Variants in VEGFC observed in about 807,000 individuals in gnomAD.
The protein encoded by VEGFC is vascular endothelial growth factor C.
A neutral mutation model predicts 46.1 loss-of-function variants in VEGFC; 12 were observed. The observed-to-expected ratio is 0.26, with a 90% CI of 0.17 to 0.42. VEGFC has a LOEUF of 0.42. VEGFC is among the 10% of genes least tolerant of loss of function. The probability of loss-of-function intolerance (pLI) is 1.00; values close to 1 mark genes in which losing one functional copy is unlikely to be tolerated. For synonymous variants in VEGFC, 232 were observed against 195.5 expected, an observed-to-expected ratio of 1.19 and a Z score of -1.56; for missense variants, 488 against 529.4, an observed-to-expected ratio of 0.92 and a Z score of 0.77.
intron 1 of VEGFC, among the ~76,000 whole-genome samples, chr4:176,731,470 C>T (rs1734963529): frequency 6.6e-6 from 1 of 151,790 alleles, no homozygotes; most frequent in South Asian, 2.1e-4. Flanking sequence ...GTCAGTCACA[C>T]CTCAATAATG....
intron 3 of VEGFC, among the ~76,000 whole-genome samples, chr4:176,726,371 T>C (rs754719561): frequency 7.2e-5 from 11 of 151,964 alleles, no homozygotes; most frequent in Non-Finnish European, 1.3e-4. Context: ...TAACTAACTA[T>C]GATACTAAAA....
chr4:176,788,670 T>C (rs1736041561), intron 1 of VEGFC, among the ~76,000 whole-genome samples: 1 of 152,186 alleles, frequency 6.6e-6, no homozygotes, highest in African/African-American at 2.4e-5. Context: ...TTTTACTGCA[T>C]ATTATTAGCC....
chr4:176,767,677 G>A (rs901035927), intron 1 of VEGFC, among the ~76,000 whole-genome samples: 2 of 152,122 alleles, frequency 1.3e-5, no homozygotes. Context: ...ACACTGCCAG[G>A]GCAATGACTA....
At chr4:176,740,001 GAATATATATAACTATATATTCGATA>G (rs1267463315) in intron 1 of VEGFC, among the ~76,000 whole-genome samples, 73 of 102,542 alleles carry the variant, frequency 7.1e-4, no homozygotes, top group African/African-American at 2.4e-3. Flanking sequence ...TCGATATATC[GAATATATATAACTATATATTCGATA>G]TATCGAATAT....
chr4:176,773,644 G>A (rs946872488), intron 1 of VEGFC, among the ~76,000 whole-genome samples: 1 of 152,096 alleles, frequency 6.6e-6, no homozygotes, highest in East Asian at 1.9e-4. Flanking sequence ...AGATAGCACT[G>A]AAAATTGATG....
intron 1 of VEGFC, among the ~76,000 whole-genome samples, chr4:176,751,518 ATGTT>A (rs934026837): frequency 2.0e-5 from 3 of 152,044 alleles, no homozygotes; most frequent in African/African-American, 7.2e-5. Context: ...CAGCAGCAAA[ATGTT>A]TGAAGAAAAT....
At chr4:176,743,309 C>CA (rs1014206471) in intron 1 of VEGFC, among the ~76,000 whole-genome samples, 3 of 151,562 alleles carry the variant, frequency 2.0e-5, no homozygotes, top group East Asian at 1.9e-4. Context: ...ATATTTGGGA[C>CA]AAAAAAATCT....
At chr4:176,709,676 G>GACAAAAC (rs2110997216) in intron 4 of VEGFC, among the ~76,000 whole-genome samples, 1 of 152,232 alleles carries the variant, frequency 6.6e-6, no homozygotes, top group East Asian at 1.9e-4. Flanking sequence ...AATAATGGAA[G>GACAAAAC]ACAAAACAAG....
At chr4:176,764,387 A>C (rs1271212997) in intron 1 of VEGFC, among the ~76,000 whole-genome samples, 1 of 152,226 alleles carries the variant, frequency 6.6e-6, no homozygotes, top group Non-Finnish European at 1.5e-5. Flanking sequence ...TGAGGGGCTA[A>C]GATCACGGAC....
chr4:176,777,800 TCC>T (rs1275763251), intron 1 of VEGFC, among the ~76,000 whole-genome samples: 4 of 151,484 alleles, frequency 2.6e-5, no homozygotes, highest in African/African-American at 7.3e-5. Flanking sequence ...GCACCCGTAG[TCC>T]CTGCTACTCG....
chr4:176,716,584 G>GAAAAAAAAAAAA (rs57274087), intron 3 of VEGFC, among the ~76,000 whole-genome samples: 3 of 43,758 alleles, frequency 6.9e-5, no homozygotes, highest in Non-Finnish European at 1.2e-4. Flanking sequence ...CTCCCTCTCC[G>GAAAAAAAAAAAA]AAAAAAAAAA....
chr4:176,787,643 C>T (rs1040980567), intron 1 of VEGFC, among the ~76,000 whole-genome samples: 1 of 151,878 alleles, frequency 6.6e-6, no homozygotes, highest in Admixed American at 6.6e-5. Context: ...ATGATGGATG[C>T]CCAATAAAGC....
At chr4:176,703,400 A>C (rs1341422816) in intron 4 of VEGFC, among the ~76,000 whole-genome samples, 1 of 152,074 alleles carries the variant, frequency 6.6e-6, no homozygotes, top group Non-Finnish European at 1.5e-5. Context: ...TCATGTTCTC[A>C]CTCATTTATG....
Position 176,711,507 on chromosome 4 carries a change from T to A in VEGFC, c.696A>T (p.Thr232=). Residue 232 remains threonine (T), a synonymous_variant, in exon 4 of 7, where the codon ACA becomes ACT. Transcript: ENST00000618562. ...HSIIRRSLPA[T]LPQCQAANKT... is the part of the protein sequence containing the mutation. ...ATTTAATTCATACTCACTGTGGTAG[T>A]GTTGCTGGCAGGGAACGTCTAATAA... The A allele has an allele frequency of 5.6e-6, 9 of 1,612,316 alleles. No homozygotes were observed. The highest frequency in any genetic ancestry group is 7.6e-6 in the Non-Finnish European group (9 of 1,179,166).
Position 176,792,349 on chromosome 4 carries a change from GGGGGC to G in VEGFC, c.-43_-39del, listed in dbSNP as rs1272032190. ...GGGGGTGGGGGACCGGTCCGCTGGCGGGGGCAGGGGTGGGGGCGCGGGCGCCCCTG... is the reference window on the plus strand; with the variant it reads ...GGGGGTGGGGGACCGGTCCGCTGGCGAGGGGTGGGGGCGCGGGCGCCCCTG... On this transcript the variant is annotated 5_prime_UTR_variant, in exon 1 of 7. Coordinates refer to ENST00000618562, the MANE Select transcript of VEGFC (RefSeq NM_005429.5). The surrounding 1 kb of genome is among the most constrained non-coding windows in gnomAD (Gnocchi z 6.3). The G allele has an allele frequency of 7.0e-7, 1 of 1,424,448 alleles. No homozygotes were observed. The highest frequency in any genetic ancestry group is 1.5e-5 in the African/African-American group (1 of 65,956). The allele number at this position is 1,424,448 out of a possible 1,614,324, so 88.2% of individuals were successfully genotyped here. A position where few individuals can be genotyped will look rare whatever the true frequency, so the allele number is the denominator to read the frequency against.
chr4:176,784,867 G>A (rs1165554699), intron 1 of VEGFC, among the ~76,000 whole-genome samples: 1 of 149,948 alleles, frequency 6.7e-6, no homozygotes, highest in Admixed American at 6.7e-5. Flanking sequence ...GTGCTACAAA[G>A]AAGCAGAGAG....
At chr4:176,706,029 T>C (rs1044827022) in intron 4 of VEGFC, 16 of 152,216 alleles carry the variant, frequency 1.1e-4, no homozygotes, top group Non-Finnish European at 1.0e-4. Flanking sequence ...TACTATGTGA[T>C]GTGTATTACG....
intron 1 of VEGFC, among the ~76,000 whole-genome samples, chr4:176,772,916 T>C (rs955394810): frequency 6.6e-6 from 1 of 152,198 alleles, no homozygotes; most frequent in Non-Finnish European, 1.5e-5. Context: ...AGTTTGTGAT[T>C]TACAGCAACA....
intron 4 of VEGFC, among the ~76,000 whole-genome samples, chr4:176,703,849 C>T (rs1360380433): frequency 6.6e-6 from 1 of 152,074 alleles, no homozygotes; most frequent in East Asian, 1.9e-4. Context: ...CTCTGCTTTG[C>T]TACTTTTCTA....
Sources: gnomAD v4.1 joint callset for allele counts (sites outside exome capture counted in the v4.1 genomes callset) on GRCh38, gnomAD v4.1.1 for gene constraint, Gnocchi (gnomAD v3.1) non-coding constraint, MANE v1.5 for transcripts, NCBI Gene and HGNC (gene_info 2026-07-23, HGNC 2026-07-21) for gene names.